The following SLC23A1 variants were observed in gnomAD, a reference collection of about 807,000 sequenced individuals.
SLC23A1 encodes the protein Na(+)/L-ascorbic acid transporter 1.
SLC23A1 carries 31 observed loss-of-function variants against 62.5 expected under a neutral mutation model. That is an observed-to-expected ratio of 0.50 (90% CI 0.37 to 0.67). SLC23A1 has a LOEUF of 0.67. SLC23A1 is among the 30% of genes least tolerant of loss of function. SLC23A1 has a pLI of 0.00. For synonymous variants in SLC23A1, 271 were observed against 313.2 expected, an observed-to-expected ratio of 0.87 and a Z score of 1.42; for missense variants, 640 against 782.7, an observed-to-expected ratio of 0.82 and a Z score of 2.18.
intron 13 of SLC23A1, among the ~76,000 whole-genome samples, chr5:139,375,157 G>A (rs1007991090): frequency 6.6e-6 from 1 of 152,184 alleles, no homozygotes; most frequent in Non-Finnish European, 1.5e-5. Flanking sequence ...CAGGACCTGT[G>A]GCTGTGATCA....
intron 14 of SLC23A1, chr5:139,368,745 C>T (rs1028781903): frequency 6.2e-7 from 1 of 1,612,706 alleles, no homozygotes; most frequent in Non-Finnish European, 8.5e-7. Flanking sequence ...CAAGAGCAAT[C>T]TGAATCCAAA....
At chr5:139,380,736 T>G (rs1758211356) in intron 4 of SLC23A1, 62 bp downstream of exon 4, 1 of 1,463,722 alleles carries the variant, frequency 6.8e-7, no homozygotes, top group Non-Finnish European at 9.6e-7. Flanking sequence ...GGACAGTTGC[T>G]CAGACCTCCA....
Position 139,378,790 on chromosome 5 carries a change from T to TG in SLC23A1, c.1074-107_1074-106insC. The stretch of plus-strand genomic sequence containing the variant: ...CCTCTGGGGCTGTGGGGGCTGCAGC[T>TG]ATCAGCTGTAGCACTCCCTACTACA... On this transcript the variant is annotated intron_variant, in intron 9 of 14. Coordinates refer to ENST00000348729, the MANE Select transcript of SLC23A1 (RefSeq NM_005847.5). The surrounding 1 kb of genome is among the most constrained non-coding windows in gnomAD (Gnocchi z 4.5). The TG allele has an allele frequency of 1.6e-5, 13 of 804,720 alleles. No individual in the cohort carries two copies. Among genetic ancestry groups the TG allele is most frequent in the Non-Finnish European group, 2.7e-5 (13 of 477,196 alleles). 49.8% of individuals were successfully genotyped at this position (804,720 alleles called of 1,614,324 possible).
intron 14 of SLC23A1, chr5:139,369,662 T>TA (rs1462599602): frequency 1.3e-5 from 2 of 152,548 alleles, no homozygotes; most frequent in Non-Finnish European, 2.9e-5. Flanking sequence ...GAAAATATTG[T>TA]AAAAAAATTA....
At position 139,367,618 on chromosome 5, in the gene SLC23A1, A is replaced by G. The variant is rs1391113537; in HGVS notation, c.*33T>C. The G allele has an allele frequency of 6.6e-6, 1 of 152,126 alleles. No homozygotes were observed. The highest frequency in any genetic ancestry group is 1.5e-5 in the Non-Finnish European group (1 of 68,024). 9.4% of individuals were successfully genotyped at this position (152,126 alleles called of 1,614,324 possible). On this transcript the variant is annotated 3_prime_UTR_variant, in exon 15 of 15. Coordinates refer to ENST00000348729, the MANE Select transcript of SLC23A1 (RefSeq NM_005847.5). ...CCCCATGTAGTTTTCTTTTCCTGTT[A>G]TATACCATGCTTCCTGTGGGAATTA...
rs943054230 is a variant in SLC23A1, at chr5:139,378,578, C to G, written c.1179+1G>C. On this transcript the variant is annotated splice_donor_variant, in intron 10 of 14. Coordinates refer to ENST00000348729, the MANE Select transcript of SLC23A1 (RefSeq NM_005847.5). LOFTEE classifies it high-confidence loss of function. This position sits in a 1 kb window ranked among gnomAD's most constrained non-coding sequence, Gnocchi z 4.5. The stretch of plus-strand genomic sequence containing the variant: ...GATTTGGCTCTGGCTCGTCGCGACA[C>G]CTTGGTAATTCCCAGGACGCCAATG... 2.5e-6 allele frequency: 4 copies of G among 1,598,660 alleles called. No homozygotes were observed. The highest frequency in any genetic ancestry group is 3.4e-6 in the Non-Finnish European group (4 of 1,172,374).
In SLC23A1 at chr5:139,379,259, C is replaced by T. The variant is rs141189553; in HGVS notation, c.1021G>A (p.Ala341Thr). The T allele has an allele frequency of 2.7e-5, 43 of 1,614,034 alleles. No individual in the cohort carries two copies. Among genetic ancestry groups the T allele is most frequent in the Non-Finnish European group, 3.5e-5 (41 of 1,180,016 alleles). Residue 341 changes from alanine (A) to threonine (T), a missense_variant, in exon 9 of 15, where the codon GCC (alanine) becomes ACC (threonine). Transcript: ENST00000348729. This position sits in a 1 kb window ranked among gnomAD's most constrained non-coding sequence, Gnocchi z 4.7. ...GIIESIGDYYACARLAGAPPP... is the reference protein window; with the variant it reads ...GIIESIGDYYTCARLAGAPPP... Reference sequence around the variant, plus strand: ...GGTGCACCAGCCAGGCGGGCACAGGCGTAGTAATCTCCGATGGACTCAATG... The same window carrying T: ...GGTGCACCAGCCAGGCGGGCACAGGTGTAGTAATCTCCGATGGACTCAATG...
chr5:139,382,033 A>C lies in SLC23A1; in HGVS notation c.167T>G (p.Phe56Cys), dbSNP rs1258292787. The change falls in exon 3 of 15, where the codon TTC (phenylalanine) becomes TGC (cysteine). Residue 56 changes from phenylalanine to cysteine, a missense_variant. Physicochemically the swap from Phe to Cys is radical, Grantham distance 205 (BLOSUM62 -2). Coordinates refer to ENST00000348729, the MANE Select transcript of SLC23A1 (RefSeq NM_005847.5). ...LLGFQHYLTC[F>C]SGTIAVPFLL... ...GAAGGGCACGGCGATGGTACCACTGAAGCATGTCAGGTAGTGCTGGGCAGA... is the reference window on the plus strand; with the variant it reads ...GAAGGGCACGGCGATGGTACCACTGCAGCATGTCAGGTAGTGCTGGGCAGA... 6 of 1,609,242 alleles carry C rather than the reference A, an allele frequency of 3.7e-6. No individual in the cohort carries two copies. The highest frequency in any genetic ancestry group is 1.3e-5 in the African/African-American group (1 of 74,880).
rs1211356542 is a variant in SLC23A1 at position 139,377,185 on chromosome 5, T to TC, written c.1549+216dup. Among the ~76,000 whole-genome samples the TC allele has an allele frequency of 3.9e-5, 6 of 151,900 alleles. No individual in the cohort carries two copies. In the East Asian group the frequency reaches 9.7e-4, roughly 24 times the overall value. ...AGGATTCACAGGACCCAGCAGTGAC[T>TC]CTTCCGGCCCCATCCTCTTCAAGAC... On this transcript the variant is annotated intron_variant, in intron 13 of 14. Coordinates refer to ENST00000348729, the MANE Select transcript of SLC23A1 (RefSeq NM_005847.5).
At position 139,379,012 on chromosome 5, in the gene SLC23A1, C is replaced by G. The variant is rs1338762961; in HGVS notation, c.1073+195G>C. The stretch of plus-strand genomic sequence containing the variant: ...TGACGGTGGTTCCCTTTGGACTCCA[C>G]CATCTTCTCAGCTACTCCCAGCAAA... On this transcript the variant is annotated intron_variant, in intron 9 of 14. Transcript: ENST00000348729. The surrounding 1 kb of genome is among the most constrained non-coding windows in gnomAD (Gnocchi z 4.7). 1.3e-5 allele frequency among the ~76,000 whole-genome samples: 2 copies of G among 152,172 alleles called. No homozygotes were observed. Among genetic ancestry groups the G allele is most frequent in the Non-Finnish European group, 2.9e-5 (2 of 68,024 alleles).
Position 139,372,019 on chromosome 5 carries a change from C to T in SLC23A1, c.1784G>A (p.Cys595Tyr). The change falls in exon 14 of 15, where the codon TGC becomes TAC. Residue 595 changes from cysteine to tyrosine, a missense_variant. Cys to Tyr is a radical substitution (Grantham distance 194). Coordinates refer to ENST00000348729, the MANE Select transcript of SLC23A1 (RefSeq NM_005847.5). Reference sequence around the variant, plus strand: ...GGAAGTCATTTTTCAGACCTTGGTGCACACAGATGCAGTTTCTGTATTTTC... The same window carrying T: ...GGAAGTCATTTTTCAGACCTTGGTGTACACAGATGCAGTTTCTGTATTTTC... ...TPENTETASV[C>Y]TKV 1.9e-6 allele frequency: 3 copies of T among 1,613,694 alleles called. No individual in the cohort carries two copies. The highest frequency in any genetic ancestry group is 2.5e-6 in the Non-Finnish European group (3 of 1,179,616).
intron 14 of SLC23A1, chr5:139,368,636 T>C (rs1757451581): frequency 1.3e-6 from 1 of 794,586 alleles, no homozygotes; most frequent in Non-Finnish European, 2.1e-6. Flanking sequence ...TCTTTTGTCT[T>C]TTTTTTTTTG....
At chr5:139,374,705 G>C (rs753171813) in intron 13 of SLC23A1, among the ~76,000 whole-genome samples, 9 of 152,184 alleles carry the variant, frequency 5.9e-5, no homozygotes, top group Non-Finnish European at 1.2e-4. Flanking sequence ...GTGATGCTCA[G>C]GTGGGTTGAA....
chr5:139,381,009 C>G, intron 3 of SLC23A1, 123 bp from the exon 4 acceptor site: 2 of 609,606 alleles, frequency 3.3e-6, no homozygotes, highest in Non-Finnish European at 5.9e-6. Flanking sequence ...GGGACAAGGG[C>G]AGATGGAAAT....
chr5:139,371,258 T>C (rs1185359000), intron 14 of SLC23A1, among the ~76,000 whole-genome samples: 1 of 152,228 alleles, frequency 6.6e-6, no homozygotes, highest in African/African-American at 2.4e-5. Context: ...TAGAAAGTCC[T>C]GTTTTAAGTG....
intron 2 of SLC23A1, 132 bp downstream of exon 2, chr5:139,382,360 G>C (rs1758313828): frequency 1.6e-6 from 1 of 612,894 alleles, no homozygotes. Context: ...CCCGACTCCT[G>C]CTTGCTGACA....
At position 139,382,056 on chromosome 5, in the gene SLC23A1, A is replaced by G. The variant is rs762261882; in HGVS notation, c.151-7T>C. On this transcript the variant is annotated splice_region_variant and splice_polypyrimidine_tract_variant and intron_variant, in intron 2 of 14. Coordinates refer to ENST00000348729, the MANE Select transcript of SLC23A1 (RefSeq NM_005847.5). ...TGAAGCATGTCAGGTAGTGCTGGGC[A>G]GAGGGAGACAGCAGAGTGCATGAGG... is the stretch of plus-strand genomic sequence containing the variant. 5 of 1,605,672 alleles carry G rather than the reference A, an allele frequency of 3.1e-6. No individual in the cohort carries two copies. In the South Asian group the frequency reaches 4.5e-5, roughly 14 times the overall value.
In SLC23A1 at chr5:139,372,221, T is replaced by G. The variant is rs915905068; in HGVS notation, c.1582A>C (p.Lys528Gln). ...SPEERGLIQW[K>Q]AGAHANSDMS... ...TCACTGTTGGCATGAGCCCCAGCTT[T>G]CCACTGTATCAGACCACGCTCCTCT... The change falls in exon 14 of 15, where the codon AAA (lysine) becomes CAA (glutamine). Residue 528 changes from lysine (K) to glutamine (Q), a missense_variant. Coordinates refer to ENST00000348729, the MANE Select transcript of SLC23A1 (RefSeq NM_005847.5). The G allele has an allele frequency of 1.9e-6, 3 of 1,613,830 alleles. No homozygotes were observed. Among genetic ancestry groups the G allele is most frequent in the Non-Finnish European group, 1.7e-6 (2 of 1,179,720 alleles).
chr5:139,380,289 G>A lies in SLC23A1; in HGVS notation c.566C>T (p.Thr189Ile). The stretch of plus-strand genomic sequence containing the variant: ...AAGGCCAATGAGGGAGACAGTGGGG[G>A]TGACTGTGAGAGGCCCAATGTAGTT... Reference protein sequence around the residue: ...LLNYIGPLTVTPTVSLIGLSV... With the variant: ...LLNYIGPLTVIPTVSLIGLSV... The change falls in exon 6 of 15, where the codon ACC (threonine) becomes ATC (isoleucine). Residue 189 changes from threonine (T) to isoleucine (I), a missense_variant. Physicochemically the swap from Thr to Ile is moderately conservative, Grantham distance 89 (BLOSUM62 -1). Coordinates refer to ENST00000348729, the MANE Select transcript of SLC23A1 (RefSeq NM_005847.5). 1 of 1,596,394 alleles carries A rather than the reference G, an allele frequency of 6.3e-7. No homozygotes were observed. Among genetic ancestry groups the A allele is most frequent in the Non-Finnish European group, 8.5e-7 (1 of 1,171,554 alleles).
Sources: allele counts gnomAD v4.1 joint callset (sites outside exome capture counted in the v4.1 genomes callset), GRCh38; gene constraint gnomAD v4.1.1; non-coding constraint Gnocchi (gnomAD v3.1); transcripts MANE v1.5; gene names NCBI Gene and HGNC (gene_info 2026-07-23, HGNC 2026-07-21).